The following RASGRP3 variants were observed in gnomAD, a reference collection of about 807,000 sequenced individuals.
The protein encoded by RASGRP3 is ras guanyl-releasing protein 3.
Under a neutral mutation model 82.7 loss-of-function variants are expected in RASGRP3, and 54 were observed. That is an observed-to-expected ratio of 0.65 (90% confidence interval 0.52 to 0.82). The LOEUF (loss-of-function observed/expected upper bound fraction) is 0.82. RASGRP3 is among the 40% of genes least tolerant of loss of function. The probability of loss-of-function intolerance (pLI) is 0.00; values close to 1 mark genes in which losing one functional copy is unlikely to be tolerated. For missense variants in RASGRP3, 861 were observed against 828.9 expected, an observed-to-expected ratio of 1.04 and a Z score of -0.48; for synonymous variants, 309 against 300.5, an observed-to-expected ratio of 1.03 and a Z score of -0.29.
chr2:33,448,162 A>G (rs1174379590), intron 2 of RASGRP3, among the ~76,000 whole-genome samples: 1 of 152,240 alleles, frequency 6.6e-6, no homozygotes, highest in South Asian at 2.1e-4. Context: ...TAACATTTAT[A>G]TACTGTAATA....
intron 1 of RASGRP3, among the ~76,000 whole-genome samples, chr2:33,478,970 A>G (rs1385688660): frequency 6.6e-6 from 1 of 152,216 alleles, no homozygotes; most frequent in East Asian, 1.9e-4. Flanking sequence ...ACCATACGTA[A>G]CACAGACAGG....
At chr2:33,560,935 T>C (rs759589752) in intron 17 of RASGRP3, among the ~76,000 whole-genome samples, 1 of 152,242 alleles carries the variant, frequency 6.6e-6, no homozygotes, top group Non-Finnish European at 1.5e-5. Flanking sequence ...TAAGATATCC[T>C]GATCATTAAT....
At chr2:33,546,192 G>A (rs191703226) in intron 13 of RASGRP3, among the ~76,000 whole-genome samples, 112 of 151,828 alleles carry the variant, frequency 7.4e-4, no homozygotes, top group African/African-American at 2.3e-3. Flanking sequence ...GGGAGGCTGA[G>A]GTGGGTGGAT....
rs1156576330 is a variant in RASGRP3, at chr2:33,564,409, A to G, written c.*1672A>G. 2 of 152,236 alleles carry G rather than the reference A, an allele frequency of 1.3e-5. No individual in the cohort carries two copies. Among genetic ancestry groups the G allele is most frequent in the Non-Finnish European group, 2.9e-5 (2 of 68,044 alleles). The allele number at this position is 152,236 out of a possible 1,614,324, so 9.4% of individuals were successfully genotyped here. A position where few individuals can be genotyped will look rare whatever the true frequency, so the allele number is the denominator to read the frequency against. ...TCTGTAAAGCACTCAGAAGGCAGCC[A>G]TCCCTAGATGTTGGTTTCATGTATA... On this transcript the variant is annotated 3_prime_UTR_variant, in exon 18 of 18. Coordinates refer to ENST00000403687, the MANE Select transcript of RASGRP3 (RefSeq NM_001139488.2).
upstream of RASGRP3, among the ~76,000 whole-genome samples, chr2:33,475,729 A>T (rs535780865): frequency 6.6e-6 from 1 of 152,334 alleles, no homozygotes; most frequent in Admixed American, 6.5e-5. Flanking sequence ...GGGTGGGAAC[A>T]TCAGCTCAGG....
chr2:33,559,092 G>A (rs1360605591), intron 17 of RASGRP3, 62 bp downstream of exon 17: 10 of 1,373,732 alleles, frequency 7.3e-6, no homozygotes, highest in African/African-American at 1.5e-5. Context: ...GCTGAGATGA[G>A]CGTTACAGAG....
In RASGRP3 at chr2:33,501,197, CTT is replaced by C. The variant is rs573885460; in HGVS notation, c.-260-10511_-260-10510del. Among the ~76,000 whole-genome samples, 5 of 152,302 alleles carry C rather than the reference CTT, an allele frequency of 3.3e-5. No homozygotes were observed. In the East Asian group the frequency reaches 9.7e-4, roughly 29 times the overall value. On this transcript the variant is annotated intron_variant, in intron 1 of 17. Coordinates refer to ENST00000403687, the MANE Select transcript of RASGRP3 (RefSeq NM_001139488.2). ...ATATGTGGCCTTCTATGTCTGGCCTCTTTCACTTAGTATAACATTTTCAAGGT... is the reference window on the plus strand; with the variant it reads ...ATATGTGGCCTTCTATGTCTGGCCTCTCACTTAGTATAACATTTTCAAGGT...
chr2:33,486,938 C>T (rs1002461582), intron 1 of RASGRP3, among the ~76,000 whole-genome samples: 5 of 151,080 alleles, frequency 3.3e-5, no homozygotes, highest in African/African-American at 4.9e-5. Context: ...TTTTGAGAAC[C>T]GATTTATATA....
intron 9 of RASGRP3, among the ~76,000 whole-genome samples, chr2:33,525,457 CT>C (rs1437309465): frequency 6.6e-6 from 1 of 151,750 alleles, no homozygotes; most frequent in Admixed American, 6.6e-5. Flanking sequence ...GCATTTCATC[CT>C]TATGAAAAGA....
At chr2:33,469,725 T>C (rs530078169) in intron 2 of RASGRP3, among the ~76,000 whole-genome samples, 28 of 152,284 alleles carry the variant, frequency 1.8e-4, no homozygotes, top group Middle Eastern at 3.4e-3. Context: ...CCTCCCAAAG[T>C]GCTGGGTTTA....
chr2:33,447,204 G>C (rs1665548238), intron 1 of RASGRP3, among the ~76,000 whole-genome samples: 1 of 152,068 alleles, frequency 6.6e-6, no homozygotes, highest in Non-Finnish European at 1.5e-5. Flanking sequence ...GGTCCCACTG[G>C]TTGATTTCAC....
rs530950165 is a variant in RASGRP3 at position 33,444,920 on chromosome 2, G to A, written c.-384-2900G>A. ...ATTCAATTACACAGCCTAAAATCGAGTTCCAAAAACCATTATAGACATTAT... is the reference window on the plus strand; with the variant it reads ...ATTCAATTACACAGCCTAAAATCGAATTCCAAAAACCATTATAGACATTAT... On this transcript the variant is annotated intron_variant, in intron 1 of 18. Transcript: ENST00000402538. Among the ~76,000 whole-genome samples, 3 of 152,284 alleles carry A rather than the reference G, an allele frequency of 2.0e-5. No homozygotes were observed. The South Asian group carries it at 6.2e-4, about 32-fold the overall frequency.
intron 2 of RASGRP3, among the ~76,000 whole-genome samples, chr2:33,466,644 G>A (rs114883387): frequency 0.013 from 1,913 of 150,994 alleles, 38 homozygotes; most frequent in African/African-American, 0.045. Flanking sequence ...GTGCCATTGC[G>A]CTGCCGTGTG....
intron 11 of RASGRP3, 45 bp from the exon 12 acceptor site, chr2:33,539,049 T>C (rs376392100): frequency 7.5e-7 from 1 of 1,329,826 alleles, no homozygotes; most frequent in Non-Finnish European, 1.0e-6. Context: ...AAAATAATAA[T>C]AATAATAAAG....
chr2:33,509,998 A>G (rs1360270257), intron 1 of RASGRP3, among the ~76,000 whole-genome samples: 3 of 152,244 alleles, frequency 2.0e-5, no homozygotes, highest in Non-Finnish European at 1.5e-5. Flanking sequence ...TTAAGTTTGC[A>G]TATTTCCAGA....
chr2:33,561,715 T>TAAAG (rs892613248), intron 17 of RASGRP3, among the ~76,000 whole-genome samples: 2 of 152,178 alleles, frequency 1.3e-5, no homozygotes, highest in Admixed American at 6.5e-5. Flanking sequence ...GTCCTGTAGT[T>TAAAG]AAAGACTTTA....
intron 14 of RASGRP3, among the ~76,000 whole-genome samples, chr2:33,554,033 G>A (rs1367269129): frequency 2.6e-5 from 4 of 152,120 alleles, no homozygotes; most frequent in Non-Finnish European, 4.4e-5. Flanking sequence ...CACCGCGCCC[G>A]GCTGACATTT....
At chr2:33,526,087 C>T (rs980359822) in intron 9 of RASGRP3, among the ~76,000 whole-genome samples, 1 of 152,184 alleles carries the variant, frequency 6.6e-6, no homozygotes, top group Admixed American at 6.5e-5. Context: ...GAATTAAAGA[C>T]CTTTTGAGCC....
intron 2 of RASGRP3, among the ~76,000 whole-genome samples, chr2:33,449,483 C>T (rs557859373): frequency 1.2e-4 from 19 of 152,178 alleles, no homozygotes; most frequent in South Asian, 4.2e-4. Context: ...ATATTTAGGC[C>T]GGGCGCGGTG....
Sources: gnomAD v4.1 joint callset for allele counts (sites outside exome capture counted in the v4.1 genomes callset) on GRCh38, gnomAD v4.1.1 for gene constraint, MANE v1.5 for transcripts, NCBI Gene and HGNC (gene_info 2026-07-23, HGNC 2026-07-21) for gene names.